Variants in HEATR6 observed in about 807,000 individuals in gnomAD.
HEATR6 encodes HEAT repeat-containing protein 6.
Under a neutral mutation model 132.8 loss-of-function variants are expected in HEATR6, and 106 were observed. That is an observed-to-expected ratio of 0.80 (90% CI 0.68 to 0.94). The LOEUF (loss-of-function observed/expected upper bound fraction) is 0.94, where lower values mean the gene tolerates loss of function less well. Among genes scored for constraint, HEATR6 ranks in the 40% least tolerant of loss-of-function variants. The probability of loss-of-function intolerance (pLI) is 0.00; values close to 1 mark genes in which losing one functional copy is unlikely to be tolerated. For missense variants in HEATR6, 1,339 were observed against 1,425.1 expected (o/e 0.94, Z 0.97); for synonymous variants, 529 against 537.8 (o/e 0.98, Z 0.23).
intron 2 of HEATR6, among the ~76,000 whole-genome samples, chr17:60,075,021 T>A (rs530420072): frequency 5.8e-4 from 89 of 152,282 alleles, no homozygotes; most frequent in African/African-American, 2.1e-3. Context: ...AATAAGACCA[T>A]CCTCCTGCTT....
rs952144952 is a variant in HEATR6, at chr17:60,041,551, T to C, written c.*2012A>G. Reference sequence around the variant, plus strand: ...GTCAGGTGGGCTCAACTTAGTTTCCTGGGCCCTCTATAACACTTCATGTTC... The same window carrying C: ...GTCAGGTGGGCTCAACTTAGTTTCCCGGGCCCTCTATAACACTTCATGTTC... On this transcript the variant is annotated 3_prime_UTR_variant, in exon 20 of 20. Coordinates refer to ENST00000184956, the MANE Select transcript of HEATR6 (RefSeq NM_022070.5). Among the ~76,000 whole-genome samples the C allele has an allele frequency of 6.6e-6, 1 of 152,218 alleles. No individual in the cohort carries two copies. Among genetic ancestry groups the C allele is most frequent in the African/African-American group, 2.4e-5 (1 of 41,456 alleles).
At chr17:60,072,415 A>G (rs1430860480) in intron 4 of HEATR6, 86 bp from the exon 5 acceptor site, 5 of 643,190 alleles carry the variant, frequency 7.8e-6, no homozygotes, top group Non-Finnish European at 1.3e-5. Flanking sequence ...GCAGTAATAT[A>G]GACTATTAGA....
chr17:60,062,788 C>T (rs1299370002), intron 9 of HEATR6, among the ~76,000 whole-genome samples: 3 of 152,144 alleles, frequency 2.0e-5, no homozygotes, highest in African/African-American at 7.2e-5. Context: ...TTATATCTCC[C>T]AGCATTCTCA....
Position 60,078,860 on chromosome 17 carries a change from G to A in HEATR6, c.55C>T (p.Pro19Ser), listed in dbSNP as rs1293831211. Residue 19 changes from proline (P) to serine (S), a missense_variant, in exon 1 of 20, where the codon CCG (proline) becomes TCG (serine). Physicochemically the swap from Pro to Ser is moderately conservative, Grantham distance 74. Coordinates refer to ENST00000184956, the MANE Select transcript of HEATR6 (RefSeq NM_022070.5). Reference sequence around the variant, plus strand: ...CCTCGCTCAGGGATTGCTTCCCGCGGTGCCTCCCGCGGCTGCACGGAAGGC... The same window carrying A: ...CCTCGCTCAGGGATTGCTTCCCGCGATGCCTCCCGCGGCTGCACGGAAGGC... ...SWPSVQPREA[P>S]REAIPERGNG... 1 of 1,468,208 alleles carries A rather than the reference G, an allele frequency of 6.8e-7. No individual in the cohort carries two copies. The allele number at this position is 1,468,208 out of a possible 1,614,324, so 90.9% of individuals were successfully genotyped here. A position where few individuals can be genotyped will look rare whatever the true frequency, so the allele number is the denominator to read the frequency against.
rs1906556413 is a variant in HEATR6 at position 60,050,881 on chromosome 17, G to C, written c.2386C>G (p.Leu796Val). ...PTLQASACDA[L>V]SSILPEAFSN... ...AAGGCCTCTGGCAAGATGGAAGACA[G>C]GGCATCACAGGCGCTCGCCTGGAGA... The change falls in exon 15 of 20, where the codon CTG becomes GTG. Residue 796 changes from leucine to valine, a missense_variant. Transcript: ENST00000184956. The C allele has an allele frequency of 1.9e-6, 3 of 1,614,094 alleles. No individual in the cohort carries two copies. Among genetic ancestry groups the C allele is most frequent in the Non-Finnish European group, 2.5e-6 (3 of 1,180,044 alleles).
chr17:60,065,482 A>G (rs775433873), intron 9 of HEATR6, among the ~76,000 whole-genome samples: 6 of 152,210 alleles, frequency 3.9e-5, no homozygotes, highest in African/African-American at 1.4e-4. Flanking sequence ...GCCATTCAGC[A>G]TGACTTTTTA....
intron 19 of HEATR6, 107 bp downstream of exon 19, chr17:60,045,918 T>G: frequency 1.2e-6 from 1 of 831,808 alleles, no homozygotes; most frequent in Non-Finnish European, 1.9e-6. Context: ...CTCCATTTTT[T>G]CCTAATACTA....
Position 60,069,730 on chromosome 17 carries a change from C to T in HEATR6, c.920G>A (p.Ser307Asn), listed in dbSNP as rs763448133. Residue 307 changes from serine to asparagine, a missense_variant, in exon 7 of 20, where the codon AGT (serine) becomes AAT (asparagine). By Grantham distance (46) the Ser-to-Asn change is conservative. Coordinates refer to ENST00000184956, the MANE Select transcript of HEATR6 (RefSeq NM_022070.5). ...TPIKPQQSES[S>N]ASRPTLNKKK... ...ATGTACCAAAGTTGGTCGAGAAGCA[C>T]TGGATTCTGATTGCTGTGGTTTGAT... 2 of 1,614,070 alleles carry T rather than the reference C, an allele frequency of 1.2e-6. No homozygotes were observed. Among genetic ancestry groups the T allele is most frequent in the Non-Finnish European group, 8.5e-7 (1 of 1,179,996 alleles).
At chr17:60,053,059 C>A (rs1450651795) in intron 14 of HEATR6, among the ~76,000 whole-genome samples, 1 of 152,140 alleles carries the variant, frequency 6.6e-6, no homozygotes, top group Non-Finnish European at 1.5e-5. Context: ...TGACATGTGA[C>A]CTCCAATGTT....
chr17:60,055,421 A>C, intron 14 of HEATR6, 94 bp downstream of exon 14: 45 of 741,898 alleles, frequency 6.1e-5, no homozygotes, highest in Middle Eastern at 4.0e-4. Flanking sequence ...CACTGGAAGA[A>C]ACCATATCAT....
rs867894055 is a variant in HEATR6 at position 60,043,015 on chromosome 17, T to A, written c.*548A>T. On this transcript the variant is annotated 3_prime_UTR_variant, in exon 20 of 20. Coordinates refer to ENST00000184956, the MANE Select transcript of HEATR6 (RefSeq NM_022070.5). The stretch of plus-strand genomic sequence containing the variant: ...GTGTGGCTGTGAGGCACCGTCAGCA[T>A]CCTCGCGTCCTGTGTGGCTGTGAGG... 3.6e-4 allele frequency: 55 copies of A among 153,322 alleles called. No individual in the cohort carries two copies. The Middle Eastern group carries it at 0.011, about 32-fold the overall frequency. The allele number at this position is 153,322 out of a possible 1,614,324, so 9.5% of individuals were successfully genotyped here. A position where few individuals can be genotyped will look rare whatever the true frequency, so the allele number is the denominator to read the frequency against.
chr17:60,070,204 A>C (rs562473259), intron 6 of HEATR6, among the ~76,000 whole-genome samples: 5 of 152,324 alleles, frequency 3.3e-5, no homozygotes, highest in Non-Finnish European at 7.3e-5. Context: ...ACCTATAGCT[A>C]TCTCTCTATT....
chr17:60,056,552 G>A (rs147955627), intron 12 of HEATR6, among the ~76,000 whole-genome samples: 1 of 152,162 alleles, frequency 6.6e-6, no homozygotes, highest in Non-Finnish European at 1.5e-5. Context: ...CATGCTTCAT[G>A]CTGCCCAGTT....
chr17:60,075,353 T>G (rs7211604), intron 2 of HEATR6, among the ~76,000 whole-genome samples: 11,445 of 152,160 alleles, frequency 0.075, 1,417 homozygotes, highest in African/African-American at 0.26. Context: ...AGTGATTCCT[T>G]TTTATTTTTT....
chr17:60,067,935 A>G (rs532682014), intron 7 of HEATR6, among the ~76,000 whole-genome samples: 1 of 152,378 alleles, frequency 6.6e-6, no homozygotes, highest in African/African-American at 2.4e-5. Context: ...GTCTACTATA[A>G]GAAAGAAGGA....
rs556395353 is a variant in HEATR6 at position 60,051,513 on chromosome 17, T to C, written c.2290-536A>G. ...CAACTACTTTGCAGAGTCTGTGTGA[T>C]AATAAAATGTAATATTCTGTGTAAG... is the stretch of plus-strand genomic sequence containing the variant. On this transcript the variant is annotated intron_variant, in intron 14 of 19. Transcript: ENST00000184956. Among the ~76,000 whole-genome samples, 4 of 152,344 alleles carry C rather than the reference T, an allele frequency of 2.6e-5. No homozygotes were observed. The South Asian group carries it at 8.3e-4, about 32-fold the overall frequency.
chr17:60,049,693 G>A lies in HEATR6; in HGVS notation c.2434C>T (p.Gln812Ter), dbSNP rs1265522767. The change falls in exon 16 of 20, where the codon CAG becomes TAG. Residue 812 changes from glutamine to a stop codon, truncating the protein, a stop_gained. Coordinates refer to ENST00000184956, the MANE Select transcript of HEATR6 (RefSeq NM_022070.5). LOFTEE classifies it high-confidence loss of function. ...AGCAGCACTGTGATGCACAGCATCT[G>A]CCTGTCATTCTGCAATGAGAAGGTT... is the stretch of plus-strand genomic sequence containing the variant. ...EAFSNLPNDR[Q>*]MLCITVLLGL... 1 of 1,612,956 alleles carries A rather than the reference G, an allele frequency of 6.2e-7. No individual in the cohort carries two copies. The highest frequency in any genetic ancestry group is 8.5e-7 in the Non-Finnish European group (1 of 1,179,460).
intron 9 of HEATR6, 56 bp downstream of exon 9, chr17:60,066,153 A>C (rs1278379124): frequency 7.2e-7 from 1 of 1,393,420 alleles, no homozygotes; most frequent in African/African-American, 1.4e-5. Flanking sequence ...AGATAACAAT[A>C]AGGATCTGTA....
chr17:60,070,310 G>A (rs1040980843), intron 6 of HEATR6, among the ~76,000 whole-genome samples: 5 of 152,040 alleles, frequency 3.3e-5, no homozygotes, highest in South Asian at 2.1e-4. Context: ...CTGACTTTCC[G>A]ACTGACTGGC....
Sources: allele counts gnomAD v4.1 joint callset (sites outside exome capture counted in the v4.1 genomes callset), GRCh38; gene constraint gnomAD v4.1.1; transcripts MANE v1.5; gene names NCBI Gene and HGNC (gene_info 2026-07-23, HGNC 2026-07-21).